The following KIAA0825 variants were observed in gnomAD, a reference collection of about 807,000 sequenced individuals.
The protein encoded by KIAA0825 is uncharacterized protein KIAA0825.
A neutral mutation model predicts 147.6 loss-of-function variants in KIAA0825; 119 were observed. That is an observed-to-expected ratio of 0.81 (90% CI 0.69 to 0.94). KIAA0825 has a LOEUF of 0.94. Among genes scored for constraint, KIAA0825 ranks in the 40% least tolerant of loss-of-function variants. KIAA0825 has a pLI of 0.00. For missense variants in KIAA0825, 1,381 were observed against 1,472.7 expected (o/e 0.94, Z 1.02); for synonymous variants, 470 against 518.1 (o/e 0.91, Z 1.26).
At chr5:94,326,498 G>C (rs373900127) in intron 20 of KIAA0825, among the ~76,000 whole-genome samples, 1 of 152,216 alleles carries the variant, frequency 6.6e-6, no homozygotes, top group South Asian at 2.1e-4. Context: ...AGTAATAAAG[G>C]CCTGATTGAT....
intron 15 of KIAA0825, among the ~76,000 whole-genome samples, chr5:94,408,539 G>C (rs1323506107): frequency 6.7e-6 from 1 of 148,604 alleles, no homozygotes; most frequent in Non-Finnish European, 1.5e-5. Context: ...GTGTGTGTGT[G>C]TGTGTGTATT....
chr5:94,394,722 G>T (rs1750397558), intron 17 of KIAA0825, among the ~76,000 whole-genome samples: 1 of 152,062 alleles, frequency 6.6e-6, no homozygotes, highest in South Asian at 2.1e-4. Context: ...TATAACCACT[G>T]CCATGGATAA....
intron 20 of KIAA0825, among the ~76,000 whole-genome samples, chr5:94,360,937 G>A (rs181332452): frequency 1.3e-5 from 2 of 152,194 alleles, no homozygotes; most frequent in African/African-American, 4.8e-5. Context: ...TTGGGGTCTG[G>A]ATCGGGATCC....
chr5:94,472,060 A>G (rs1761270661), intron 8 of KIAA0825, among the ~76,000 whole-genome samples: 3 of 152,186 alleles, frequency 2.0e-5, no homozygotes, highest in Admixed American at 2.0e-4. Context: ...ATATTGTATA[A>G]TATCAAGAAA....
chr5:94,596,438 A>AC (rs1423491771), intron 1 of KIAA0825, among the ~76,000 whole-genome samples: 6 of 152,130 alleles, frequency 3.9e-5, no homozygotes, highest in Non-Finnish European at 8.8e-5. Flanking sequence ...CCATTGGTCT[A>AC]TGTGTCTGTT....
chr5:94,391,559 A>G lies in KIAA0825; in HGVS notation c.3432T>C (p.Ile1144=). The G allele has an allele frequency of 6.4e-7, 1 of 1,551,532 alleles. No individual in the cohort carries two copies. Among genetic ancestry groups the G allele is most frequent in the South Asian group, 1.2e-5 (1 of 84,048 alleles). Residue 1144 remains isoleucine (I), a synonymous_variant, in exon 18 of 21, where the codon ATT becomes ATC. Coordinates refer to ENST00000682413, the MANE Select transcript of KIAA0825 (RefSeq NM_001145678.3). ...CCTCATTGAGCTGCATGATGTGATA[A>G]ATTTGCCTCAGGTACTCCCTGCCAC... ...KPGGREYLRQ[I]YHIMQLNEEY... is the part of the protein sequence containing the mutation.
chr5:94,316,123 C>T (rs531716896), intron 20 of KIAA0825, among the ~76,000 whole-genome samples: 71 of 151,642 alleles, frequency 4.7e-4, no homozygotes, highest in Middle Eastern at 6.8e-3. Flanking sequence ...CTGTAGTACA[C>T]GCCATCTCGT....
At position 94,586,325 on chromosome 5, in the gene KIAA0825, C is replaced by T. The variant is rs1480655303; in HGVS notation, c.-152-3742G>A. ...AATAAAGAAGAAAGGAAAGAAGAATCAAATAGATGCAATAAAAAATGATAA... is the reference window on the plus strand; with the variant it reads ...AATAAAGAAGAAAGGAAAGAAGAATTAAATAGATGCAATAAAAAATGATAA... On this transcript the variant is annotated intron_variant, in intron 1 of 20. Coordinates refer to ENST00000682413, the MANE Select transcript of KIAA0825 (RefSeq NM_001145678.3). Among the ~76,000 whole-genome samples the T allele has an allele frequency of 1.3e-5, 2 of 152,046 alleles. 1 individual carries two copies. The highest frequency in any genetic ancestry group is 4.8e-5 in the African/African-American group (2 of 41,382).
At chr5:94,360,367 G>C (rs547444881) in intron 20 of KIAA0825, among the ~76,000 whole-genome samples, 5 of 152,264 alleles carry the variant, frequency 3.3e-5, no homozygotes, top group African/African-American at 1.2e-4. Context: ...GTTTGAACCA[G>C]AGCAACTGCA....
At chr5:94,205,299 A>ATATATATATATATATATATAT (rs1254935243) in intron 20 of KIAA0825, among the ~76,000 whole-genome samples, 1 of 137,910 alleles carries the variant, frequency 7.3e-6, no homozygotes, top group African/African-American at 2.8e-5. Context: ...ATATATATAT[A>ATATATATATATATATATATAT]TTTTGTTTTG....
intron 20 of KIAA0825, among the ~76,000 whole-genome samples, chr5:94,284,398 A>T (rs1294162588): frequency 6.6e-6 from 1 of 152,154 alleles, no homozygotes; most frequent in South Asian, 2.1e-4. Context: ...ACCTTAAGAC[A>T]CTGTGCACGG....
chr5:94,466,528 G>A (rs1206206847), intron 10 of KIAA0825, among the ~76,000 whole-genome samples: 2 of 151,898 alleles, frequency 1.3e-5, no homozygotes, highest in Non-Finnish European at 2.9e-5. Context: ...GACCATCATG[G>A]CTAACACTAA....
intron 14 of KIAA0825, among the ~76,000 whole-genome samples, chr5:94,426,608 A>C (rs1754920931): frequency 6.6e-6 from 1 of 152,220 alleles, no homozygotes. Context: ...ACAAACATAC[A>C]GTTAGAAGAA....
At chr5:94,385,159 C>G (rs759415413) in intron 19 of KIAA0825, among the ~76,000 whole-genome samples, 1 of 152,118 alleles carries the variant, frequency 6.6e-6, no homozygotes, top group Non-Finnish European at 1.5e-5. Context: ...CAATCTAATG[C>G]ACAACACAGA....
intron 20 of KIAA0825, among the ~76,000 whole-genome samples, chr5:94,364,788 A>C (rs1455086575): frequency 6.6e-6 from 1 of 152,122 alleles, no homozygotes; most frequent in African/African-American, 2.4e-5. Context: ...GTCCTCGGTA[A>C]GGTTTTCCTT....
chr5:94,209,953 A>T (rs1303650300), intron 20 of KIAA0825, among the ~76,000 whole-genome samples: 1 of 152,186 alleles, frequency 6.6e-6, no homozygotes, highest in Non-Finnish European at 1.5e-5. Flanking sequence ...TGCCCATCAC[A>T]GTCTTCCTTC....
At chr5:94,239,814 G>C (rs1476406903) in intron 20 of KIAA0825, among the ~76,000 whole-genome samples, 2 of 151,896 alleles carry the variant, frequency 1.3e-5, no homozygotes, top group African/African-American at 2.4e-5. Flanking sequence ...ACTTTATTTT[G>C]CCAAAAATAA....
intron 20 of KIAA0825, among the ~76,000 whole-genome samples, chr5:94,301,158 T>C (rs922473826): frequency 3.9e-5 from 6 of 152,176 alleles, no homozygotes; most frequent in African/African-American, 1.4e-4. Flanking sequence ...TACTTCCTAC[T>C]GAATTTCCAG....
rs775335118 is a variant in KIAA0825, at chr5:94,319,138, GAAGTGAC to G, written c.3710+65223_3710+65229del. Among the ~76,000 whole-genome samples the G allele has an allele frequency of 2.0e-4, 30 of 151,932 alleles. 1 individual carries two copies. Among genetic ancestry groups the G allele is most frequent in the Non-Finnish European group, 4.0e-4 (27 of 67,920 alleles). Reference sequence around the variant, plus strand: ...GGGCTGGCTGTAAACATTTGTGTTTGAAGTGACAAGTGACTCAAAGGAGACAAATAGT... The same window carrying G: ...GGGCTGGCTGTAAACATTTGTGTTTGAAGTGACTCAAAGGAGACAAATAGT... On this transcript the variant is annotated intron_variant, in intron 20 of 20. Transcript: ENST00000682413.
Sources: gnomAD v4.1 joint callset for allele counts (sites outside exome capture counted in the v4.1 genomes callset) on GRCh38, gnomAD v4.1.1 for gene constraint, MANE v1.5 for transcripts, NCBI Gene and HGNC (gene_info 2026-07-23, HGNC 2026-07-21) for gene names.